Variants in LRP1B observed in about 807,000 individuals in gnomAD.
LRP1B encodes the protein low-density lipoprotein receptor-related protein 1B.
Under a neutral mutation model 556.6 loss-of-function variants are expected in LRP1B, and 217 were observed. The observed-to-expected ratio is 0.39, with a 90% confidence interval of 0.35 to 0.44. LRP1B has a LOEUF of 0.44. Among genes scored for constraint, LRP1B ranks in the 20% least tolerant of loss-of-function variants. The pLI is 1.00. For missense variants in LRP1B, 5,053 were observed against 5,620.8 expected (o/e 0.90, Z 3.23); for synonymous variants, 2,047 against 1,865.8 (o/e 1.10, Z -2.50).
At chr2:140,767,644 T>A (rs1335993196) in intron 35 of LRP1B, among the ~76,000 whole-genome samples, 1 of 151,430 alleles carries the variant, frequency 6.6e-6, no homozygotes, top group Non-Finnish European at 1.5e-5. Context: ...TTATTTTTTT[T>A]AATTATTATT....
intron 1 of LRP1B, among the ~76,000 whole-genome samples, chr2:142,046,510 A>G (rs1219036419): frequency 6.6e-6 from 1 of 152,090 alleles, no homozygotes; most frequent in East Asian, 1.9e-4. Flanking sequence ...CTTTCTCCAC[A>G]GTAAATGAAA....
At chr2:140,840,843 C>T (rs2105096731) in intron 30 of LRP1B, 75 bp downstream of exon 30, 1 of 1,147,128 alleles carries the variant, frequency 8.7e-7, no homozygotes, top group Admixed American at 2.4e-5. Context: ...CTGAATTAAG[C>T]AATGTTTTTA....
At chr2:140,367,156 G>A (rs561885398) in intron 71 of LRP1B, among the ~76,000 whole-genome samples, 3 of 151,868 alleles carry the variant, frequency 2.0e-5, no homozygotes, top group African/African-American at 7.2e-5. Flanking sequence ...CTTTAAAGAA[G>A]AAGGTGAAGT....
chr2:140,600,712 T>C (rs982353420), intron 42 of LRP1B, among the ~76,000 whole-genome samples: 1 of 149,700 alleles, frequency 6.7e-6, no homozygotes, highest in Non-Finnish European at 1.5e-5. Context: ...TATATGAGAG[T>C]GAAAGTCCAT....
At chr2:140,310,479 A>G (rs544010068) in intron 83 of LRP1B, among the ~76,000 whole-genome samples, 30 of 151,612 alleles carry the variant, frequency 2.0e-4, no homozygotes, top group Non-Finnish European at 3.7e-4. Context: ...GAGGCATTAC[A>G]TTACCTGACT....
Position 140,972,152 on chromosome 2 carries a change from G to T in LRP1B, c.2887+10008C>A, listed in dbSNP as rs372176216. 8.5e-5 allele frequency among the ~76,000 whole-genome samples: 13 copies of T among 152,268 alleles called. 1 individual carries two copies. The South Asian group carries it at 2.7e-3, about 32-fold the overall frequency. On this transcript the variant is annotated intron_variant, in intron 18 of 90. Transcript: ENST00000389484. ...TACAAAACAGGAAACTGCAAAGAAA[G>T]AAAGATGCGAAATAATGCCACATGC... is the stretch of plus-strand genomic sequence containing the variant.
intron 43 of LRP1B, among the ~76,000 whole-genome samples, chr2:140,561,563 T>C (rs1292163751): frequency 6.6e-6 from 1 of 152,132 alleles, no homozygotes; most frequent in Non-Finnish European, 1.5e-5. Flanking sequence ...CGGCTGTGAC[T>C]CTTAGGATAA....
Position 141,053,010 on chromosome 2 carries a change from ATTGT to A in LRP1B, c.1552+2102_1552+2105del, listed in dbSNP as rs569168501. On this transcript the variant is annotated intron_variant, in intron 10 of 90. Coordinates refer to ENST00000389484, the MANE Select transcript of LRP1B (RefSeq NM_018557.3). Reference sequence around the variant, plus strand: ...GTACTTCATTGATGTAATATGTGTGATTGTTTGTTTGTGTATGTAGGTATGTATG... The same window carrying A: ...GTACTTCATTGATGTAATATGTGTGATTGTTTGTGTATGTAGGTATGTATG... 7.2e-5 allele frequency among the ~76,000 whole-genome samples: 11 copies of A among 152,024 alleles called. No individual in the cohort carries two copies. The East Asian group carries it at 1.8e-3, about 24-fold the overall frequency.
intron 49 of LRP1B, among the ~76,000 whole-genome samples, chr2:140,519,925 C>T (rs751388865): frequency 6.6e-6 from 1 of 152,156 alleles, no homozygotes; most frequent in Non-Finnish European, 1.5e-5. Context: ...TACCATCTCA[C>T]ACCAGTTAGA....
At chr2:140,320,482 A>C (rs1680053172) in intron 82 of LRP1B, among the ~76,000 whole-genome samples, 1 of 152,120 alleles carries the variant, frequency 6.6e-6, no homozygotes. Flanking sequence ...TGAGGAGTGC[A>C]TTCTAGCAGA....
At chr2:140,925,990 T>A (rs1194134860) in intron 20 of LRP1B, among the ~76,000 whole-genome samples, 2 of 152,070 alleles carry the variant, frequency 1.3e-5, no homozygotes, top group Non-Finnish European at 2.9e-5. Flanking sequence ...TCATTTGTTT[T>A]CTTATTCTAA....
intron 2 of LRP1B, among the ~76,000 whole-genome samples, chr2:141,807,795 T>C (rs529092154): frequency 8.5e-5 from 13 of 152,150 alleles, no homozygotes; most frequent in African/African-American, 3.1e-4. Context: ...TTAACAGCAT[T>C]GCAGTGGAGA....
chr2:140,603,526 T>C (rs1682752604), intron 41 of LRP1B, among the ~76,000 whole-genome samples: 2 of 152,076 alleles, frequency 1.3e-5, no homozygotes, highest in South Asian at 4.1e-4. Flanking sequence ...ATGAGAATAA[T>C]CCATCCTGAT....
At chr2:141,070,875 C>T (rs1160764869) in intron 7 of LRP1B, among the ~76,000 whole-genome samples, 1 of 151,970 alleles carries the variant, frequency 6.6e-6, no homozygotes, top group African/African-American at 2.4e-5. Flanking sequence ...AGCTTACCAA[C>T]CAAAAAGAGT....
At chr2:140,302,137 A>G (rs986755252) in intron 83 of LRP1B, among the ~76,000 whole-genome samples, 3 of 151,858 alleles carry the variant, frequency 2.0e-5, no homozygotes, top group Admixed American at 6.6e-5. Context: ...TTTTTGTACA[A>G]TTGTCTTTAT....
chr2:140,964,108 G>A (rs1224142141), intron 18 of LRP1B, among the ~76,000 whole-genome samples: 1 of 60,624 alleles, frequency 1.6e-5, no homozygotes, highest in Admixed American at 1.4e-4. Context: ...CCACTGGACA[G>A]GGGGCCCTTC....
intron 22 of LRP1B, among the ~76,000 whole-genome samples, chr2:140,904,626 T>C (rs1694195690): frequency 6.6e-6 from 1 of 152,232 alleles, no homozygotes; most frequent in East Asian, 1.9e-4. Context: ...AGGAAAATGA[T>C]TGTATGAACT....
intron 4 of LRP1B, among the ~76,000 whole-genome samples, chr2:141,252,805 T>C (rs1425775015): frequency 3.9e-5 from 6 of 152,148 alleles, no homozygotes; most frequent in Non-Finnish European, 8.8e-5. Flanking sequence ...GAGGGCTACC[T>C]GGAAATACAG....
chr2:140,959,198 C>G (rs768896804), intron 18 of LRP1B, among the ~76,000 whole-genome samples: 3 of 151,212 alleles, frequency 2.0e-5, no homozygotes, highest in Non-Finnish European at 4.4e-5. Context: ...TCCAGGAAAT[C>G]TGAATGTGAA....
Sources: gnomAD v4.1 joint callset for allele counts (sites outside exome capture counted in the v4.1 genomes callset) on GRCh38, gnomAD v4.1.1 for gene constraint, MANE v1.5 for transcripts, NCBI Gene and HGNC (gene_info 2026-07-23, HGNC 2026-07-21) for gene names.